Variants in YTHDF3 observed in about 807,000 individuals in gnomAD.
YTHDF3 encodes YTH N6-methyladenosine RNA binding protein F3, also known as YTH domain-containing family protein 3.
In YTHDF3, 9 loss-of-function variants were observed where a neutral mutation model predicts 52.5. That is an observed-to-expected ratio of 0.17 (90% confidence interval 0.10 to 0.30). The LOEUF (loss-of-function observed/expected upper bound fraction) is 0.30, where lower values mean the gene tolerates loss of function less well. YTHDF3 is among the 10% of genes least tolerant of loss of function. The pLI is 1.00. For synonymous variants in YTHDF3, 274 were observed against 243.3 expected (o/e 1.13, Z -1.18); for missense variants, 534 against 715.0 (o/e 0.75, Z 2.89).
At chr8:63,194,091 A>G (rs1376497687) in intron 4 of YTHDF3, among the ~76,000 whole-genome samples, 1 of 152,156 alleles carries the variant, frequency 6.6e-6, no homozygotes, top group Non-Finnish European at 1.5e-5. Flanking sequence ...AAATGGCCAA[A>G]TATATTGGTG....
At chr8:63,207,986 TA>T (rs1810144244) in intron 4 of YTHDF3, among the ~76,000 whole-genome samples, 1 of 152,240 alleles carries the variant, frequency 6.6e-6, no homozygotes, top group African/African-American at 2.4e-5. Flanking sequence ...AGGACCTTTG[TA>T]AAATTAAACT....
chr8:63,191,391 G>T (rs1808903725), intron 4 of YTHDF3, among the ~76,000 whole-genome samples: 2 of 151,926 alleles, frequency 1.3e-5, no homozygotes, highest in Non-Finnish European at 2.9e-5. Flanking sequence ...TATTTGTGCT[G>T]TTTCTGTGAT....
intron 4 of YTHDF3, among the ~76,000 whole-genome samples, chr8:63,196,059 C>T (rs1321167044): frequency 6.6e-6 from 1 of 151,974 alleles, no homozygotes; most frequent in African/African-American, 2.4e-5. Context: ...TCTCAAAGTT[C>T]TGGGATTACA....
rs1337241718 is a variant in YTHDF3, at chr8:63,210,828, A to G, written c.*1122A>G. The G allele has an allele frequency of 6.6e-6, 1 of 152,556 alleles. No homozygotes were observed. Among genetic ancestry groups the G allele is most frequent in the Non-Finnish European group, 1.5e-5 (1 of 67,984 alleles). 9.5% of individuals were successfully genotyped at this position (152,556 alleles called of 1,614,324 possible). A position where few individuals can be genotyped will look rare whatever the true frequency, so the allele number is the denominator to read the frequency against. ...GGATATTCTTATAGTTATCTTTTTAACATCTTATTTTTTTCATTAATTACA... is the reference window on the plus strand; with the variant it reads ...GGATATTCTTATAGTTATCTTTTTAGCATCTTATTTTTTTCATTAATTACA... On this transcript the variant is annotated 3_prime_UTR_variant, in exon 5 of 5. Transcript: ENST00000539294.
intron 4 of YTHDF3, among the ~76,000 whole-genome samples, chr8:63,203,236 C>CT (rs1229874876): frequency 7.8e-6 from 1 of 128,598 alleles, no homozygotes; most frequent in Non-Finnish European, 1.5e-5. Flanking sequence ...AGAGTGAACT[C>CT]TGTCTCAAAA....
At position 63,210,856 on chromosome 8, in the gene YTHDF3, T is replaced by G. The variant is rs756932072; in HGVS notation, c.*1150T>G. On this transcript the variant is annotated 3_prime_UTR_variant, in exon 5 of 5. Coordinates refer to ENST00000539294, the MANE Select transcript of YTHDF3 (RefSeq NM_152758.6). The stretch of plus-strand genomic sequence containing the variant: ...TCTTATTTTTTTCATTAATTACATA[T>G]CAACATTAATTTTGTATCTTGAAGC... 1 of 152,712 alleles carries G rather than the reference T, an allele frequency of 6.5e-6. No individual in the cohort carries two copies. Among genetic ancestry groups the G allele is most frequent in the East Asian group, 1.9e-4 (1 of 5,184 alleles). 9.5% of individuals were successfully genotyped at this position (152,712 alleles called of 1,614,324 possible).
In YTHDF3 at chr8:63,209,767, A is replaced by G. The variant is rs375726695; in HGVS notation, c.*61A>G. 4.0e-6 allele frequency: 6 copies of G among 1,495,580 alleles called. No individual in the cohort carries two copies. Among genetic ancestry groups the G allele is most frequent in the East Asian group, 2.3e-5 (1 of 43,198 alleles). 92.6% of individuals were successfully genotyped at this position (1,495,580 alleles called of 1,614,324 possible). A position where few individuals can be genotyped will look rare whatever the true frequency, so the allele number is the denominator to read the frequency against. The stretch of plus-strand genomic sequence containing the variant: ...ACGATGTAGACTCTGGAAATGCCTA[A>G]TAAGTCAAAGAAGACGTATTAAAGC... On this transcript the variant is annotated 3_prime_UTR_variant, in exon 5 of 5. Coordinates refer to ENST00000539294, the MANE Select transcript of YTHDF3 (RefSeq NM_152758.6).
At position 63,212,453 on chromosome 8, in the gene YTHDF3, G is replaced by C. The variant is rs1271555849; in HGVS notation, c.*2747G>C. On this transcript the variant is annotated 3_prime_UTR_variant, in exon 5 of 5. Coordinates refer to ENST00000539294, the MANE Select transcript of YTHDF3 (RefSeq NM_152758.6). ...GTTTGCAATAAAAAAAAATGAATCA[G>C]CTTAAGTCATTTAATCATTTCAAGT... 1 of 152,472 alleles carries C rather than the reference G, an allele frequency of 6.6e-6. No individual in the cohort carries two copies. The highest frequency in any genetic ancestry group is 1.5e-5 in the Non-Finnish European group (1 of 67,992). 9.4% of individuals were successfully genotyped at this position (152,472 alleles called of 1,614,324 possible).
chr8:63,201,848 C>T (rs1377741709), intron 4 of YTHDF3, among the ~76,000 whole-genome samples: 3 of 152,126 alleles, frequency 2.0e-5, no homozygotes, highest in African/African-American at 7.2e-5. Context: ...AAAAAGAGCC[C>T]AAAGTTTGGC....
intron 4 of YTHDF3, among the ~76,000 whole-genome samples, chr8:63,193,148 C>T (rs1297253546): frequency 6.6e-6 from 1 of 151,844 alleles, no homozygotes; most frequent in Non-Finnish European, 1.5e-5. Context: ...GAGGCCCAGG[C>T]GCATGGATTG....
At position 63,188,742 on chromosome 8, in the gene YTHDF3, C is replaced by T. The variant is rs371096188; in HGVS notation, c.1734+997C>T. ...TTTTTTTTCTTTTGTGAGATGGAGT[C>T]GCTCTCTGTCGCCCAGGCTGGAGTG... On this transcript the variant is annotated intron_variant, in intron 4 of 4. Transcript: ENST00000539294. The T allele has an allele frequency of 6.5e-5, 7 of 107,478 alleles. 1 individual carries two copies. Among genetic ancestry groups the T allele is most frequent in the East Asian group, 3.0e-4 (1 of 3,354 alleles). 6.7% of individuals were successfully genotyped at this position (107,478 alleles called of 1,614,324 possible). A position where few individuals can be genotyped will look rare whatever the true frequency, so the allele number is the denominator to read the frequency against.
chr8:63,187,467 A>G lies in YTHDF3; in HGVS notation c.1456A>G (p.Asn486Asp). The change falls in exon 4 of 5, where the codon AAT becomes GAT. Residue 486 changes from asparagine to aspartate, a missense_variant. By Grantham distance (23) the Asn-to-Asp change is conservative. Coordinates refer to ENST00000539294, the MANE Select transcript of YTHDF3 (RefSeq NM_152758.6). ...VAEMKSVVDY[N>D]AYAGVWSQDK... ...TGAAATGAAGTCTGTTGTGGACTATAATGCGTATGCTGGTGTCTGGTCTCA... is the reference window on the plus strand; with the variant it reads ...TGAAATGAAGTCTGTTGTGGACTATGATGCGTATGCTGGTGTCTGGTCTCA... 1 of 1,614,002 alleles carries G rather than the reference A, an allele frequency of 6.2e-7. No homozygotes were observed.
intron 4 of YTHDF3, among the ~76,000 whole-genome samples, chr8:63,190,133 A>G (rs1808820970): frequency 6.6e-6 from 1 of 152,198 alleles, no homozygotes; most frequent in South Asian, 2.1e-4. Flanking sequence ...AGGCAGCAAA[A>G]TCTCTGATTA....
Position 63,186,303 on chromosome 8 carries a change from C to T in YTHDF3, c.292C>T (p.His98Tyr). The change falls in exon 4 of 5, where the codon CAT becomes TAT. Residue 98 changes from histidine to tyrosine, a missense_variant. By Grantham distance (83) the His-to-Tyr change is moderately conservative (BLOSUM62 2). Transcript: ENST00000539294. ...TTYGQMSNGE[H>Y]HYIPDGVFSQ... ...CTATGGACAAATGAGTAATGGAGAACATCACTATATACCAGATGGTGTATT... is the reference window on the plus strand; with the variant it reads ...CTATGGACAAATGAGTAATGGAGAATATCACTATATACCAGATGGTGTATT... 1 of 1,614,004 alleles carries T rather than the reference C, an allele frequency of 6.2e-7. No individual in the cohort carries two copies. Among genetic ancestry groups the T allele is most frequent in the Non-Finnish European group, 8.5e-7 (1 of 1,179,894 alleles).
intron 3 of YTHDF3, among the ~76,000 whole-genome samples, chr8:63,184,124 A>G (rs1808343275): frequency 6.6e-6 from 1 of 152,232 alleles, no homozygotes; most frequent in Admixed American, 6.5e-5. Flanking sequence ...GAATCCACAG[A>G]TGTAGAACCC....
chr8:63,169,679 T>A (rs1158556659), intron 2 of YTHDF3, among the ~76,000 whole-genome samples: 1 of 152,344 alleles, frequency 6.6e-6, no homozygotes, highest in East Asian at 1.9e-4. Flanking sequence ...GGTATTTCTT[T>A]GGTTTTCCAG....
chr8:63,173,885 C>T (rs947781628), intron 2 of YTHDF3, among the ~76,000 whole-genome samples: 1 of 152,142 alleles, frequency 6.6e-6, no homozygotes, highest in African/African-American at 2.4e-5. Flanking sequence ...TCAAGTTGAC[C>T]TTCAGGTTGC....
intron 4 of YTHDF3, among the ~76,000 whole-genome samples, chr8:63,188,451 C>T (rs1321778172): frequency 1.3e-5 from 2 of 150,656 alleles, no homozygotes; most frequent in East Asian, 1.9e-4. Flanking sequence ...CTCAGCTTCC[C>T]GAGTAGCTGG....
rs1810341417 is a variant in YTHDF3 at position 63,210,983 on chromosome 8, A to G, written c.*1277A>G. ...TACTGCCCCATGTATTACTGTTCCAAAAGGAGAAAGCTATGTAGAAAGATA... is the reference window on the plus strand; with the variant it reads ...TACTGCCCCATGTATTACTGTTCCAGAAGGAGAAAGCTATGTAGAAAGATA... On this transcript the variant is annotated 3_prime_UTR_variant, in exon 5 of 5. Coordinates refer to ENST00000539294, the MANE Select transcript of YTHDF3 (RefSeq NM_152758.6). 6.6e-6 allele frequency: 1 copy of G among 152,588 alleles called. No individual in the cohort carries two copies. Among genetic ancestry groups the G allele is most frequent in the African/African-American group, 2.4e-5 (1 of 41,446 alleles). 9.5% of individuals were successfully genotyped at this position (152,588 alleles called of 1,614,324 possible).
Sources: allele counts gnomAD v4.1 joint callset (sites outside exome capture counted in the v4.1 genomes callset), GRCh38; gene constraint gnomAD v4.1.1; transcripts MANE v1.5; gene names NCBI Gene and HGNC (gene_info 2026-07-23, HGNC 2026-07-21).